PRMT1: variants seen among roughly 807,000 people sequenced by gnomAD.
The protein encoded by PRMT1 is protein arginine methyltransferase 1.
Under a neutral mutation model 47.4 loss-of-function variants are expected in PRMT1, and 5 were observed. The ratio of observed to expected loss-of-function variants is 0.11; its 90% CI spans 0.06 to 0.22. The LOEUF (loss-of-function observed/expected upper bound fraction) is 0.22. PRMT1 is among the 10% of genes least tolerant of loss of function. The probability of loss-of-function intolerance (pLI) is 1.00; values close to 1 mark genes in which losing one functional copy is unlikely to be tolerated. For synonymous variants in PRMT1, 227 were observed against 204.6 expected, an observed-to-expected ratio of 1.11 and a Z score of -0.94; for missense variants, 249 against 518.4, an observed-to-expected ratio of 0.48 and a Z score of 5.05.
At position 49,685,150 on chromosome 19, in the gene PRMT1, C is replaced by T; in HGVS notation, c.759+113C>T. 1.3e-6 allele frequency: 2 copies of T among 1,564,064 alleles called. No homozygotes were observed. Among genetic ancestry groups the T allele is most frequent in the Non-Finnish European group, 1.7e-6 (2 of 1,155,118 alleles). ...GAATGTTGGCCTGAGGTCTCAGAGCCTGATCTGCCAGCCAGAGGTGGTGCT... is the reference window on the plus strand; with the variant it reads ...GAATGTTGGCCTGAGGTCTCAGAGCTTGATCTGCCAGCCAGAGGTGGTGCT... On this transcript the variant is annotated intron_variant, in intron 8 of 10. Transcript: ENST00000454376. This position sits in a 1 kb window ranked among gnomAD's most constrained non-coding sequence, Gnocchi z 4.7.
chr19:49,688,322 C>T lies in PRMT1; in HGVS notation c.*77C>T. ...GTTTCGGGGCTCCCCCTTCCTCTCC[C>T]TCCCTCCCGCAGAAGGGGGTTTTAG... On this transcript the variant is annotated 3_prime_UTR_variant, in exon 11 of 11. Transcript: ENST00000454376. This position sits in a 1 kb window ranked among gnomAD's most constrained non-coding sequence, Gnocchi z 5.3. 1 of 1,425,874 alleles carries T rather than the reference C, an allele frequency of 7.0e-7. No homozygotes were observed. The highest frequency in any genetic ancestry group is 9.8e-7 in the Non-Finnish European group (1 of 1,016,318). 88.3% of individuals were successfully genotyped at this position (1,425,874 alleles called of 1,614,324 possible).
At chr19:49,676,880 C>T (rs1320129730), upstream of PRMT1, among the ~76,000 whole-genome samples, 2 of 152,166 alleles carry the variant, frequency 1.3e-5, no homozygotes, top group Non-Finnish European at 2.9e-5. Context: ...GGAGGCGGGT[C>T]GTTTTGGTGA....
chr19:49,686,410 G>T (rs933731034), intron 9 of PRMT1, among the ~76,000 whole-genome samples, 167 bp downstream of exon 9: 1 of 152,132 alleles, frequency 6.6e-6, no homozygotes, highest in South Asian at 2.1e-4. Flanking sequence ...AGTGACCTGA[G>T]TGTGCAGTGC....
upstream of PRMT1, chr19:49,676,940 T>G: frequency 3.7e-6 from 1 of 271,220 alleles, no homozygotes; most frequent in Non-Finnish European, 6.9e-6. Context: ...CCCGGGAAGC[T>G]TTGAGGCGGT....
intron 8 of PRMT1, 23 bp from the exon 9 acceptor site, chr19:49,686,070 G>T (rs779507534): frequency 6.2e-7 from 1 of 1,606,286 alleles, no homozygotes; most frequent in Middle Eastern, 1.8e-4. Flanking sequence ...GCATCCCGGA[G>T]CTCGCCCTCT....
At chr19:49,678,676 G>A (rs567697601) in intron 1 of PRMT1, among the ~76,000 whole-genome samples, 4 of 152,162 alleles carry the variant, frequency 2.6e-5, no homozygotes, top group Middle Eastern at 6.8e-3. Context: ...TGGCTGGAGG[G>A]GCAGGTCAGC....
intron 5 of PRMT1, 25 bp from the exon 6 acceptor site, chr19:49,683,902 C>T (rs372592724): frequency 2.4e-4 from 391 of 1,603,806 alleles, no homozygotes; most frequent in Non-Finnish European, 2.7e-4. Flanking sequence ...CGGGGGCTGA[C>T]GTGGCCACCC....
Position 49,680,188 on chromosome 19 carries a change from TCCCC to T in PRMT1, c.90+264_90+267del. ...TGCCCCCATTTTCCTTCCCCTCCCCTCCCCAGCTGTGGGCTGAGCTAGAGACGGG... is the reference window on the plus strand; with the variant it reads ...TGCCCCCATTTTCCTTCCCCTCCCCTAGCTGTGGGCTGAGCTAGAGACGGG... On this transcript the variant is annotated intron_variant, in intron 2 of 10. Transcript: ENST00000454376. The surrounding 1 kb of genome is among the most constrained non-coding windows in gnomAD (Gnocchi z 4.2). The T allele has an allele frequency of 6.3e-7, 1 of 1,576,866 alleles. No homozygotes were observed. The highest frequency in any genetic ancestry group is 8.6e-7 in the Non-Finnish European group (1 of 1,157,870).
chr19:49,688,073 C>G lies in PRMT1; in HGVS notation c.1033-89C>G. 1 of 1,160,180 alleles carries G rather than the reference C, an allele frequency of 8.6e-7. No homozygotes were observed. Among genetic ancestry groups the G allele is most frequent in the Admixed American group, 1.7e-5 (1 of 59,284 alleles). The allele number at this position is 1,160,180 out of a possible 1,614,324, so 71.9% of individuals were successfully genotyped here. Reference sequence around the variant, plus strand: ...GTGGAGATGGGCAGGAAGCTGGAGCCCGGCTCATCGTCGCATAGCCTGCCT... The same window carrying G: ...GTGGAGATGGGCAGGAAGCTGGAGCGCGGCTCATCGTCGCATAGCCTGCCT... On this transcript the variant is annotated intron_variant, in intron 10 of 10. Transcript: ENST00000454376. This position sits in a 1 kb window ranked among gnomAD's most constrained non-coding sequence, Gnocchi z 5.3.
rs557099733 is a variant in PRMT1, at chr19:49,681,174, G to A, written c.192+586G>A. ...AGGTGATCCCCCCACTTCCACTTTC[G>A]GAGTAGCTGGGACCACAGGCGCGCG... On this transcript the variant is annotated intron_variant, in intron 3 of 10. Transcript: ENST00000454376. The surrounding 1 kb of genome is among the most constrained non-coding windows in gnomAD (Gnocchi z 4.4). Among the ~76,000 whole-genome samples the A allele has an allele frequency of 2.0e-5, 3 of 152,200 alleles. No individual in the cohort carries two copies. The highest frequency in any genetic ancestry group is 2.1e-4 in the South Asian group (1 of 4,824).
At chr19:49,683,812 C>G in intron 5 of PRMT1, 115 bp from the exon 6 acceptor site, 1 of 1,181,976 alleles carries the variant, frequency 8.5e-7, no homozygotes, top group Non-Finnish European at 1.2e-6. Context: ...TTCATGGCTT[C>G]TGCTCACGCA....
chr19:49,679,200 C>T (rs1414341880), intron 1 of PRMT1, among the ~76,000 whole-genome samples: 1 of 152,120 alleles, frequency 6.6e-6, no homozygotes, highest in Non-Finnish European at 1.5e-5. Context: ...TTCTGGAGTC[C>T]TCTCATTCTT....
intron 10 of PRMT1, 41 bp downstream of exon 10, chr19:49,686,767 G>T: frequency 6.5e-7 from 1 of 1,548,666 alleles, no homozygotes; most frequent in Non-Finnish European, 8.7e-7. Context: ...GGCAGCTAGG[G>T]CGGGGAGTGT....
chr19:49,685,636 A>G lies in PRMT1; in HGVS notation c.760-457A>G, dbSNP rs2082194164. 1.6e-5 allele frequency: 16 copies of G among 1,012,130 alleles called. No individual in the cohort carries two copies. The highest frequency in any genetic ancestry group is 1.9e-5 in the Non-Finnish European group (16 of 848,096). The allele number at this position is 1,012,130 out of a possible 1,614,324, so 62.7% of individuals were successfully genotyped here. ...GGCTGACCGGGGGATCCTGTCGGGG[A>G]GGAGTAAGTTGTTGAGTGGGGGAGG... On this transcript the variant is annotated intron_variant, in intron 8 of 10. Coordinates refer to ENST00000454376, the MANE Select transcript of PRMT1 (RefSeq NM_001536.6). The surrounding 1 kb of genome is among the most constrained non-coding windows in gnomAD (Gnocchi z 4.7).
At chr19:49,679,762 AAGG>A (rs550515386) in intron 1 of PRMT1, 107 bp from the exon 2 acceptor site, 27 of 785,396 alleles carry the variant, frequency 3.4e-5, no homozygotes, top group African/African-American at 5.2e-5. Context: ...CCCCACCAAG[AAGG>A]AGAATTGCTG....
chr19:49,676,969 G>T, upstream of PRMT1: 2 of 341,426 alleles, frequency 5.9e-6, no homozygotes. Flanking sequence ...TAAAGGGGAG[G>T]GCATTCCTGG....
In PRMT1 at chr19:49,685,371, G is replaced by A. The variant is rs1487247016; in HGVS notation, c.759+334G>A. On this transcript the variant is annotated intron_variant, in intron 8 of 10. Transcript: ENST00000454376. This position sits in a 1 kb window ranked among gnomAD's most constrained non-coding sequence, Gnocchi z 4.7. The stretch of plus-strand genomic sequence containing the variant: ...CACGCGGGCCACTGCAGAAGAGCAC[G>A]GGGCCAGGCTGGGCTCCGAGATGTG... 9.6e-6 allele frequency: 12 copies of A among 1,254,632 alleles called. No homozygotes were observed. Among genetic ancestry groups the A allele is most frequent in the African/African-American group, 3.1e-5 (2 of 65,224 alleles). 77.7% of individuals were successfully genotyped at this position (1,254,632 alleles called of 1,614,324 possible).
In PRMT1 at chr19:49,688,341, G is replaced by GT; in HGVS notation, c.*100dup. The GT allele has an allele frequency of 8.3e-7, 1 of 1,201,638 alleles. No individual in the cohort carries two copies. Among genetic ancestry groups the GT allele is most frequent in the Admixed American group, 1.7e-5 (1 of 58,022 alleles). The allele number at this position is 1,201,638 out of a possible 1,614,324, so 74.4% of individuals were successfully genotyped here. ...CTCTCCCTCCCTCCCGCAGAAGGGGGTTTTAGGGGCCTGGGCTGGGGGGAT... is the reference window on the plus strand; with the variant it reads ...CTCTCCCTCCCTCCCGCAGAAGGGGGTTTTTAGGGGCCTGGGCTGGGGGGAT... On this transcript the variant is annotated 3_prime_UTR_variant, in exon 11 of 11. Coordinates refer to ENST00000454376, the MANE Select transcript of PRMT1 (RefSeq NM_001536.6). This position sits in a 1 kb window ranked among gnomAD's most constrained non-coding sequence, Gnocchi z 5.3.
chr19:49,680,644 A>AG lies in PRMT1; in HGVS notation c.192+60dup, dbSNP rs1375725805. 1.4e-5 allele frequency: 20 copies of AG among 1,404,846 alleles called. No homozygotes were observed. The highest frequency in any genetic ancestry group is 5.0e-5 in the Admixed American group (3 of 59,560). 87.0% of individuals were successfully genotyped at this position (1,404,846 alleles called of 1,614,324 possible). Reference sequence around the variant, plus strand: ...CTTAGGGGGGCTTAAATGTTGGGGAAGGGGTGGAACCTGTTTTCCCACGCA... The same window carrying AG: ...CTTAGGGGGGCTTAAATGTTGGGGAAGGGGGTGGAACCTGTTTTCCCACGCA... On this transcript the variant is annotated intron_variant, in intron 3 of 10. Coordinates refer to ENST00000454376, the MANE Select transcript of PRMT1 (RefSeq NM_001536.6). The surrounding 1 kb of genome is among the most constrained non-coding windows in gnomAD (Gnocchi z 4.2).
Sources: allele counts gnomAD v4.1 joint callset (sites outside exome capture counted in the v4.1 genomes callset), GRCh38; gene constraint gnomAD v4.1.1; non-coding constraint Gnocchi (gnomAD v3.1); transcripts MANE v1.5; gene names NCBI Gene and HGNC (gene_info 2026-07-23, HGNC 2026-07-21).